MIPOL1: variants seen among roughly 807,000 people sequenced by gnomAD.
MIPOL1 encodes mirror-image polydactyly 1.
Under a neutral mutation model 60.9 loss-of-function variants are expected in MIPOL1, and 57 were observed. The ratio of observed to expected loss-of-function variants is 0.94; its 90% CI spans 0.76 to 1.17. The LOEUF (loss-of-function observed/expected upper bound fraction) is 1.17. Ranked by LOEUF, MIPOL1 falls within the 50% of genes most tolerant of loss-of-function variation. The pLI is 0.00. For synonymous variants in MIPOL1, 179 were observed against 168.8 expected, an observed-to-expected ratio of 1.06 and a Z score of -0.47; for missense variants, 551 against 511.6, an observed-to-expected ratio of 1.08 and a Z score of -0.74.
At chr14:37,346,599 AAG>A (rs1465093303) in intron 9 of MIPOL1, among the ~76,000 whole-genome samples, 1 of 152,208 alleles carries the variant, frequency 6.6e-6, no homozygotes, top group East Asian at 1.9e-4. Context: ...AAGTTGAAGA[AAG>A]AGAAAGACCA....
intron 9 of MIPOL1, among the ~76,000 whole-genome samples, chr14:37,348,178 G>A (rs1315712834): frequency 6.6e-6 from 1 of 152,030 alleles, no homozygotes; most frequent in African/African-American, 2.4e-5. Context: ...TTGGTTTTCT[G>A]TTTTTGCATT....
At chr14:37,429,806 T>A (rs1470479091) in intron 11 of MIPOL1, among the ~76,000 whole-genome samples, 2 of 152,178 alleles carry the variant, frequency 1.3e-5, no homozygotes, top group Non-Finnish European at 2.9e-5. Context: ...TCAGAAATAC[T>A]GCTGACTGTC....
intron 7 of MIPOL1, among the ~76,000 whole-genome samples, chr14:37,290,898 G>A (rs544029916): frequency 1.3e-5 from 2 of 152,114 alleles, no homozygotes; most frequent in South Asian, 4.1e-4. Flanking sequence ...AGTGTTTGTT[G>A]TTCCACAGTA....
intron 9 of MIPOL1, among the ~76,000 whole-genome samples, chr14:37,367,846 C>T (rs1225164633): frequency 2.0e-5 from 3 of 151,842 alleles, no homozygotes; most frequent in Admixed American, 6.6e-5. Flanking sequence ...AGTGCTATGC[C>T]GTGTTCATTT....
intron 10 of MIPOL1, among the ~76,000 whole-genome samples, chr14:37,376,745 A>G (rs1035347983): frequency 1.3e-5 from 2 of 152,124 alleles, no homozygotes; most frequent in African/African-American, 4.8e-5. Flanking sequence ...ATAAACACCC[A>G]TGTGCATTTT....
At chr14:37,365,828 A>G (rs2092453281) in intron 9 of MIPOL1, among the ~76,000 whole-genome samples, 1 of 152,082 alleles carries the variant, frequency 6.6e-6, no homozygotes, top group Non-Finnish European at 1.5e-5. Flanking sequence ...TAGTGAAGCC[A>G]TCAGGTCCAA....
At chr14:37,514,484 A>G (rs1025463895) in intron 12 of MIPOL1, among the ~76,000 whole-genome samples, 1 of 152,180 alleles carries the variant, frequency 6.6e-6, no homozygotes, top group African/African-American at 2.4e-5. Context: ...ACATTGCTCA[A>G]TCTCATTAGA....
At chr14:37,498,653 A>G (rs2095169439) in intron 11 of MIPOL1, among the ~76,000 whole-genome samples, 1 of 152,148 alleles carries the variant, frequency 6.6e-6, no homozygotes, top group Non-Finnish European at 1.5e-5. Context: ...CAAATGTGGC[A>G]CTACACACTA....
rs534686477 is a variant in MIPOL1, at chr14:37,325,774, T to C, written c.828+17255T>C. 5.9e-5 allele frequency among the ~76,000 whole-genome samples: 9 copies of C among 152,244 alleles called. No individual in the cohort carries two copies. In the South Asian group the frequency reaches 1.7e-3, roughly 28 times the overall value. ...GGGATCTTCTGTATTCAACATATAT[T>C]CCTCCTTACCCCCATTGGATAGTGG... On this transcript the variant is annotated intron_variant, in intron 9 of 12. Coordinates refer to ENST00000684589, the MANE Select transcript of MIPOL1 (RefSeq NM_001388067.1).
intron 1 of MIPOL1, among the ~76,000 whole-genome samples, chr14:37,229,008 T>G (rs1970211495): frequency 6.6e-6 from 1 of 151,672 alleles, no homozygotes; most frequent in South Asian, 2.1e-4. Context: ...TGGTAAAGTT[T>G]CTAAAATAAG....
chr14:37,241,367 A>C (rs770768810), intron 1 of MIPOL1, among the ~76,000 whole-genome samples: 9 of 152,116 alleles, frequency 5.9e-5, no homozygotes, highest in Non-Finnish European at 1.2e-4. Context: ...AACCTCACAG[A>C]CACACCTAGA....
At chr14:37,362,912 C>G (rs2092327816) in intron 9 of MIPOL1, among the ~76,000 whole-genome samples, 1 of 152,154 alleles carries the variant, frequency 6.6e-6, no homozygotes. Context: ...GCTATTGAAG[C>G]TTGTGCATGT....
chr14:37,254,839 T>G (rs769533939), intron 3 of MIPOL1, among the ~76,000 whole-genome samples: 1 of 151,944 alleles, frequency 6.6e-6, no homozygotes, highest in Middle Eastern at 3.4e-3. Context: ...TCCCTTTTAA[T>G]AGGACCTTTT....
At chr14:37,508,094 A>T (rs2095295721) in intron 12 of MIPOL1, among the ~76,000 whole-genome samples, 1 of 152,122 alleles carries the variant, frequency 6.6e-6, no homozygotes, top group Non-Finnish European at 1.5e-5. Context: ...CTTAAAGGAA[A>T]CCAACTTATA....
chr14:37,250,473 A>G (rs1371859326), intron 3 of MIPOL1, among the ~76,000 whole-genome samples: 1 of 152,120 alleles, frequency 6.6e-6, no homozygotes, highest in Non-Finnish European at 1.5e-5. Context: ...CTTGAACTCC[A>G]GTGGCGGAGG....
chr14:37,290,378 A>G (rs1372475306), intron 7 of MIPOL1, among the ~76,000 whole-genome samples: 1 of 152,070 alleles, frequency 6.6e-6, no homozygotes, highest in Non-Finnish European at 1.5e-5. Flanking sequence ...GGTGAGTGCC[A>G]CCACACCTGG....
intron 6 of MIPOL1, 76 bp from the exon 7 acceptor site, chr14:37,285,242 G>A (rs2084453790): frequency 6.7e-7 from 1 of 1,491,996 alleles, no homozygotes; most frequent in African/African-American, 1.4e-5. Flanking sequence ...ATTACTTATG[G>A]CTTTTATTTT....
chr14:37,306,028 C>T (rs1383273613), intron 7 of MIPOL1, among the ~76,000 whole-genome samples: 1 of 151,730 alleles, frequency 6.6e-6, no homozygotes, highest in Non-Finnish European at 1.5e-5. Flanking sequence ...AATTCATGTG[C>T]CAGGGATCTG....
intron 1 of MIPOL1, among the ~76,000 whole-genome samples, chr14:37,236,866 T>C (rs1297257893): frequency 6.6e-6 from 1 of 152,168 alleles, no homozygotes; most frequent in East Asian, 1.9e-4. Context: ...TCTTTGCAAA[T>C]TGCTTTGTGC....
Sources: gnomAD v4.1 joint callset for allele counts (sites outside exome capture counted in the v4.1 genomes callset) on GRCh38, gnomAD v4.1.1 for gene constraint, MANE v1.5 for transcripts, NCBI Gene and HGNC (gene_info 2026-07-23, HGNC 2026-07-21) for gene names.